C3orf20: variants seen among roughly 807,000 people sequenced by gnomAD.
C3orf20 encodes the protein uncharacterized protein C3orf20.
A neutral mutation model predicts 88.3 loss-of-function variants in C3orf20; 76 were observed. The ratio of observed to expected loss-of-function variants is 0.86; its 90% CI spans 0.72 to 1.04. C3orf20 has a LOEUF of 1.04. Among genes scored for constraint, C3orf20 ranks in the 50% least tolerant of loss-of-function variants. C3orf20 has a pLI of 0.00. For synonymous variants in C3orf20, 436 were observed against 437.4 expected, an observed-to-expected ratio of 1.00 and a Z score of 0.04; for missense variants, 1,056 against 1,123.3, an observed-to-expected ratio of 0.94 and a Z score of 0.86.
At chr3:14,697,882 A>G (rs954198567) in intron 5 of C3orf20, among the ~76,000 whole-genome samples, 1 of 152,174 alleles carries the variant, frequency 6.6e-6, no homozygotes, top group Admixed American at 6.5e-5. Context: ...TGCAAAGGAC[A>G]TGAACTCATC....
At chr3:14,749,303 TAG>T (rs1348201561) in intron 12 of C3orf20, among the ~76,000 whole-genome samples, 1 of 152,196 alleles carries the variant, frequency 6.6e-6, no homozygotes, top group Non-Finnish European at 1.5e-5. Flanking sequence ...ATTATTTGCT[TAG>T]AGTGTTTGTT....
Position 14,759,974 on chromosome 3 carries a change from C to A in C3orf20, c.2328C>A (p.Asn776Lys), listed in dbSNP as rs1221469578. Residue 776 changes from asparagine to lysine, a missense_variant, in exon 14 of 17, where the codon AAC (asparagine) becomes AAA (lysine). Physicochemically the swap from Asn to Lys is moderately conservative, Grantham distance 94. Transcript: ENST00000253697. ...QEDPPLMVKK[N>K]SVVQGMILMF... ...ACCCTCCCCTGATGGTGAAGAAGAA[C>A]TCTGTGGTGCAGGGGATGATTCTGG... The A allele has an allele frequency of 6.2e-7, 1 of 1,613,930 alleles. No individual in the cohort carries two copies. The highest frequency in any genetic ancestry group is 8.5e-7 in the Non-Finnish European group (1 of 1,179,896).
At chr3:14,705,860 C>T (rs761195199) in intron 7 of C3orf20, among the ~76,000 whole-genome samples, 14 of 152,276 alleles carry the variant, frequency 9.2e-5, no homozygotes, top group Non-Finnish European at 1.8e-4. Flanking sequence ...GACTGTATGC[C>T]ACAAAAGGAA....
chr3:14,771,292 C>G (rs1380280806), intron 15 of C3orf20, among the ~76,000 whole-genome samples: 1 of 152,262 alleles, frequency 6.6e-6, no homozygotes, highest in Admixed American at 6.5e-5. Context: ...TCTGTTGTTT[C>G]ACAGCCACCC....
At chr3:14,688,508 GAT>G in intron 4 of C3orf20, among the ~76,000 whole-genome samples, 1 of 128,796 alleles carries the variant, frequency 7.8e-6, no homozygotes. Context: ...CTCCAGCCTG[GAT>G]GACAGAGTGA....
Position 14,764,366 on chromosome 3 carries a change from G to A in C3orf20, c.2495+2751G>A, listed in dbSNP as rs373585746. Among the ~76,000 whole-genome samples the A allele has an allele frequency of 2.0e-4, 31 of 152,206 alleles. No individual in the cohort carries two copies. The South Asian group carries it at 6.2e-3, about 31-fold the overall frequency. Reference sequence around the variant, plus strand: ...TGGGTTGATGGTTTAAGAGCACTTAGGTGAAAAAAGGAAATAGAATCTTTA... The same window carrying A: ...TGGGTTGATGGTTTAAGAGCACTTAAGTGAAAAAAGGAAATAGAATCTTTA... On this transcript the variant is annotated intron_variant, in intron 15 of 16. Coordinates refer to ENST00000253697, the MANE Select transcript of C3orf20 (RefSeq NM_032137.5).
At chr3:14,729,428 G>A (rs1216116892) in intron 12 of C3orf20, among the ~76,000 whole-genome samples, 2 of 152,226 alleles carry the variant, frequency 1.3e-5, no homozygotes, top group Admixed American at 6.5e-5. Flanking sequence ...TGAGGCTGGA[G>A]TGTGGTGGAA....
At chr3:14,766,727 C>T (rs1325735647) in intron 15 of C3orf20, among the ~76,000 whole-genome samples, 1 of 152,202 alleles carries the variant, frequency 6.6e-6, no homozygotes, top group Non-Finnish European at 1.5e-5. Context: ...GTGAAGGGCC[C>T]ACCAGGCAGG....
At chr3:14,746,153 A>G (rs143577842) in intron 12 of C3orf20, among the ~76,000 whole-genome samples, 4 of 152,354 alleles carry the variant, frequency 2.6e-5, no homozygotes, top group East Asian at 1.9e-4. Context: ...CAAACTTGCA[A>G]TTGGAGGCAT....
chr3:14,703,645 C>T (rs1037354860), intron 6 of C3orf20, among the ~76,000 whole-genome samples: 1 of 152,274 alleles, frequency 6.6e-6, no homozygotes, highest in African/African-American at 2.4e-5. Context: ...TCTGCCTCTG[C>T]AGCACCTTGC....
intron 9 of C3orf20, among the ~76,000 whole-genome samples, chr3:14,720,778 T>C (rs2034130373): frequency 6.6e-6 from 1 of 152,258 alleles, no homozygotes; most frequent in South Asian, 2.1e-4. Context: ...CTACCTTGTC[T>C]TGACAATATC....
At chr3:14,691,043 A>G (rs1316054388) in intron 5 of C3orf20, among the ~76,000 whole-genome samples, 4 of 152,242 alleles carry the variant, frequency 2.6e-5, no homozygotes, top group African/African-American at 7.2e-5. Flanking sequence ...CACCATATCG[A>G]GCTGATCCTA....
At chr3:14,738,501 TG>T (rs917516575) in intron 12 of C3orf20, among the ~76,000 whole-genome samples, 1 of 151,824 alleles carries the variant, frequency 6.6e-6, no homozygotes, top group African/African-American at 2.4e-5. Context: ...GCTAATTTTT[TG>T]TATTTTTTTT....
intron 12 of C3orf20, among the ~76,000 whole-genome samples, chr3:14,745,607 G>A (rs776707487): frequency 3.9e-5 from 6 of 152,108 alleles, no homozygotes; most frequent in Non-Finnish European, 5.9e-5. Context: ...TATCACATTT[G>A]TACAACTATA....
chr3:14,741,987 G>A (rs190404582), intron 12 of C3orf20, among the ~76,000 whole-genome samples: 65 of 152,306 alleles, frequency 4.3e-4, no homozygotes, highest in African/African-American at 1.5e-3. Flanking sequence ...TGGTGGGCAT[G>A]TCTGATGGAA....
At chr3:14,688,729 G>A (rs2032571403) in intron 4 of C3orf20, among the ~76,000 whole-genome samples, 1 of 151,924 alleles carries the variant, frequency 6.6e-6, no homozygotes, top group African/African-American at 2.4e-5. Flanking sequence ...AAGCAATCCT[G>A]CCATCTTCAT....
In C3orf20 at chr3:14,701,265, C is replaced by T. The variant is rs1167697252; in HGVS notation, c.746-1865C>T. 3.9e-5 allele frequency among the ~76,000 whole-genome samples: 6 copies of T among 152,118 alleles called. No individual in the cohort carries two copies. Among genetic ancestry groups the T allele is most frequent in the Non-Finnish European group, 8.8e-5 (6 of 68,012 alleles). ...GTTCCCAAGCACTGGCCAGAAACCC[C>T]CAGGCTTCACCAGCAGCAAGGAGGG... On this transcript the variant is annotated intron_variant, in intron 5 of 16. Coordinates refer to ENST00000253697, the MANE Select transcript of C3orf20 (RefSeq NM_032137.5). The surrounding 1 kb of genome is among the most constrained non-coding windows in gnomAD (Gnocchi z 4.6).
At chr3:14,718,607 T>C (rs1004693187) in intron 9 of C3orf20, among the ~76,000 whole-genome samples, 1 of 152,234 alleles carries the variant, frequency 6.6e-6, no homozygotes, top group African/African-American at 2.4e-5. Flanking sequence ...ACATATTGAA[T>C]AATTTTGGAC....
intron 12 of C3orf20, among the ~76,000 whole-genome samples, chr3:14,756,218 C>T (rs1032540392): frequency 9.3e-5 from 14 of 150,972 alleles, no homozygotes; most frequent in Non-Finnish European, 1.9e-4. Context: ...GAATAGACAT[C>T]GATAAAGGTA....
Sources: gnomAD v4.1 joint callset for allele counts (sites outside exome capture counted in the v4.1 genomes callset) on GRCh38, gnomAD v4.1.1 for gene constraint, Gnocchi (gnomAD v3.1) non-coding constraint, MANE v1.5 for transcripts, NCBI Gene and HGNC (gene_info 2026-07-23, HGNC 2026-07-21) for gene names.